The following CDH13 variants were observed in gnomAD, a reference collection of about 807,000 sequenced individuals.
CDH13 encodes the protein cadherin 13.
A neutral mutation model predicts 63.8 loss-of-function variants in CDH13; 24 were observed. The observed-to-expected ratio is 0.38, with a 90% CI of 0.27 to 0.53. The LOEUF is 0.53. CDH13 is among the 20% of genes least tolerant of loss of function. The probability of loss-of-function intolerance (pLI) is 0.85; values close to 1 mark genes in which losing one functional copy is unlikely to be tolerated. For synonymous variants in CDH13, 503 were observed against 355.3 expected, an observed-to-expected ratio of 1.42 and a Z score of -4.67; for missense variants, 1,049 against 903.1, an observed-to-expected ratio of 1.16 and a Z score of -2.07.
At position 82,976,878 on chromosome 16, in the gene CDH13, G is replaced by A. The variant is rs188567148; in HGVS notation, c.158-55132G>A. ...GGCCGGGCTGCATTTGGTGAGTTGC[G>A]GGAAGGGGATGATGACATCTTCTCC... On this transcript the variant is annotated intron_variant, in intron 2 of 13. Transcript: ENST00000567109. Among the ~76,000 whole-genome samples the A allele has an allele frequency of 1.1e-4, 16 of 152,252 alleles. No individual in the cohort carries two copies. The East Asian group carries it at 1.2e-3, about 11-fold the overall frequency.
intron 5 of CDH13, among the ~76,000 whole-genome samples, chr16:83,337,279 A>T (rs2090619767): frequency 6.6e-6 from 1 of 152,172 alleles, no homozygotes; most frequent in African/African-American, 2.4e-5. Context: ...AGGTGCTGGG[A>T]TGCCAGGAAG....
chr16:82,953,810 A>G (rs547009605), intron 2 of CDH13: 2 of 152,330 alleles, frequency 1.3e-5, no homozygotes, highest in Admixed American at 1.3e-4. Flanking sequence ...GATCTGATAA[A>G]CAATTCCAGT....
At chr16:83,020,942 A>T (rs1271248532) in intron 2 of CDH13, among the ~76,000 whole-genome samples, 6 of 152,240 alleles carry the variant, frequency 3.9e-5, no homozygotes, top group African/African-American at 1.4e-4. Flanking sequence ...GTTGCAGTGG[A>T]GTAAAGCTCT....
chr16:82,920,629 T>G (rs1384542952), intron 2 of CDH13, among the ~76,000 whole-genome samples: 1 of 152,228 alleles, frequency 6.6e-6, no homozygotes, highest in Non-Finnish European at 1.5e-5. Flanking sequence ...CAGGCCCCAC[T>G]GTGGATGGTG....
intron 7 of CDH13, among the ~76,000 whole-genome samples, chr16:83,572,175 G>GTTGTGTGTGTGT (rs145519267): frequency 2.6e-4 from 38 of 145,694 alleles, no homozygotes; most frequent in African/African-American, 9.4e-4. Flanking sequence ...ACTTTCCTGT[G>GTTGTGTGTGTGT]GTGTGTGTGT....
intron 7 of CDH13, among the ~76,000 whole-genome samples, chr16:83,575,926 T>C (rs1905057516): frequency 6.6e-6 from 1 of 152,216 alleles, no homozygotes; most frequent in African/African-American, 2.4e-5. Flanking sequence ...TTTTTTTAAT[T>C]GATGTAAAAT....
chr16:83,426,514 CACA>C (rs2071900792), intron 6 of CDH13, among the ~76,000 whole-genome samples: 1 of 81,352 alleles, frequency 1.2e-5, no homozygotes, highest in Non-Finnish European at 2.7e-5. Flanking sequence ...AACAATCACA[CACA>C]CACACACACA....
chr16:83,463,549 C>T (rs1053073030), intron 6 of CDH13, among the ~76,000 whole-genome samples: 1 of 152,138 alleles, frequency 6.6e-6, no homozygotes, highest in Non-Finnish European at 1.5e-5. Context: ...GCTTGTAATC[C>T]CAGCGCTTTG....
chr16:83,109,111 C>G (rs1567837987), intron 3 of CDH13, among the ~76,000 whole-genome samples: 1 of 152,116 alleles, frequency 6.6e-6, no homozygotes. Context: ...ATTCTACTAT[C>G]CAGTGGGCTC....
chr16:83,225,107 G>A (rs1008593448), intron 5 of CDH13, among the ~76,000 whole-genome samples: 15 of 152,196 alleles, frequency 9.9e-5, no homozygotes, highest in African/African-American at 3.6e-4. Flanking sequence ...AACTCTCGGG[G>A]TGGGTCTCTC....
At chr16:82,929,525 G>A (rs1002196750) in intron 2 of CDH13, among the ~76,000 whole-genome samples, 7 of 151,366 alleles carry the variant, frequency 4.6e-5, no homozygotes, top group African/African-American at 9.7e-5. Context: ...GGTAGTGGGC[G>A]CCTGTAGTCC....
At chr16:82,815,906 T>C (rs1161330436) in intron 1 of CDH13, among the ~76,000 whole-genome samples, 5 of 152,194 alleles carry the variant, frequency 3.3e-5, no homozygotes, top group African/African-American at 4.8e-5. Flanking sequence ...ACGGAAAATG[T>C]CATTCTTTCT....
At chr16:83,049,419 C>A (rs980117716) in intron 3 of CDH13, among the ~76,000 whole-genome samples, 1 of 147,048 alleles carries the variant, frequency 6.8e-6, no homozygotes, top group African/African-American at 2.5e-5. Context: ...ACTGCAAGCT[C>A]CACCTCCTGG....
At chr16:82,905,609 C>T (rs2041618555) in intron 2 of CDH13, among the ~76,000 whole-genome samples, 3 of 152,044 alleles carry the variant, frequency 2.0e-5, no homozygotes, top group South Asian at 2.1e-4. Flanking sequence ...ACAAATATAA[C>T]ATAAGTCACA....
At chr16:82,922,914 A>T (rs913707932) in intron 2 of CDH13, among the ~76,000 whole-genome samples, 5 of 152,204 alleles carry the variant, frequency 3.3e-5, no homozygotes, top group African/African-American at 7.2e-5. Flanking sequence ...GACAACGGCA[A>T]TCAAGGAAAT....
At chr16:82,639,610 G>C (rs1191354561) in intron 1 of CDH13, 2 of 619,542 alleles carry the variant, frequency 3.2e-6, no homozygotes, top group Non-Finnish European at 5.8e-6. Context: ...GAAATATACA[G>C]TCTGTAGCTA....
chr16:82,857,955 A>C (rs1460568713), intron 1 of CDH13, among the ~76,000 whole-genome samples: 1 of 152,186 alleles, frequency 6.6e-6, no homozygotes. Flanking sequence ...TTCCAACAGA[A>C]TAGTTCCATT....
At chr16:82,712,104 A>T (rs1226795378) in intron 1 of CDH13, among the ~76,000 whole-genome samples, 2 of 151,996 alleles carry the variant, frequency 1.3e-5, no homozygotes, top group Non-Finnish European at 2.9e-5. Flanking sequence ...ACCATATCTT[A>T]AAAAAAACTT....
intron 4 of CDH13, among the ~76,000 whole-genome samples, chr16:83,166,401 G>C (rs1265337837): frequency 1.3e-5 from 2 of 152,100 alleles, no homozygotes; most frequent in Non-Finnish European, 2.9e-5. Flanking sequence ...TAAGATGAGA[G>C]AGGGGCAAAA....
Sources: gnomAD v4.1 joint callset for allele counts (sites outside exome capture counted in the v4.1 genomes callset) on GRCh38, gnomAD v4.1.1 for gene constraint, MANE v1.5 for transcripts, NCBI Gene and HGNC (gene_info 2026-07-23, HGNC 2026-07-21) for gene names.